FBXL3: variants seen among roughly 807,000 people sequenced by gnomAD.
FBXL3 encodes the protein F-box/LRR-repeat protein 3.
Under a neutral mutation model 37.9 loss-of-function variants are expected in FBXL3, and 14 were observed. The ratio of observed to expected loss-of-function variants is 0.37; its 90% CI spans 0.24 to 0.58. The LOEUF (loss-of-function observed/expected upper bound fraction) is 0.58. FBXL3 is among the 20% of genes least tolerant of loss of function. The pLI is 0.74. For synonymous variants in FBXL3, 194 were observed against 180.1 expected (o/e 1.08, Z -0.62); for missense variants, 327 against 511.1 (o/e 0.64, Z 3.47).
chr13:77,024,475 A>G (rs1318517768), intron 1 of FBXL3, among the ~76,000 whole-genome samples: 1 of 152,242 alleles, frequency 6.6e-6, no homozygotes, highest in African/African-American at 2.4e-5. Context: ...CCAGAACTAG[A>G]CAACTTAAAG....
chr13:77,026,811 G>GC lies in FBXL3; in HGVS notation c.-2+15dup. ...CGCCGTCGCAGCGGGGCTCGGCCCT[G>GC]CCCCTCCGCCGTTACCTGCTGCCGG... is the stretch of plus-strand genomic sequence containing the variant. On this transcript the variant is annotated intron_variant, in intron 1 of 4. Transcript: ENST00000355619. The GC allele has an allele frequency of 6.7e-6, 1 of 148,870 alleles. No individual in the cohort carries two copies. Among genetic ancestry groups the GC allele is most frequent in the East Asian group, 2.0e-4 (1 of 4,932 alleles). The allele number at this position is 148,870 out of a possible 1,614,324, so 9.2% of individuals were successfully genotyped here.
chr13:77,021,731 T>C lies in FBXL3; in HGVS notation c.130A>G (p.Ile44Val). ...GGCAAATATTTAAATACTTGGAGAA[T>C]AATGTCCTGAAGGAGATTACCCCAA... ...CDWGNLLQDI[I>V]LQVFKYLPLL... Residue 44 changes from isoleucine to valine, a missense_variant, in exon 2 of 5, where the codon ATT (isoleucine) becomes GTT (valine). Coordinates refer to ENST00000355619, the MANE Select transcript of FBXL3 (RefSeq NM_012158.4). 1 of 1,613,952 alleles carries C rather than the reference T, an allele frequency of 6.2e-7. No individual in the cohort carries two copies. Among genetic ancestry groups the C allele is most frequent in the Non-Finnish European group, 8.5e-7 (1 of 1,180,028 alleles).
chr13:77,021,465 A>G lies in FBXL3; in HGVS notation c.348+48T>C, dbSNP rs375999493. Reference sequence around the variant, plus strand: ...GAAGATGTACTGGTTTAGGAAACAAAGCCACTAAAAATACTTTATTTTTTA... The same window carrying G: ...GAAGATGTACTGGTTTAGGAAACAAGGCCACTAAAAATACTTTATTTTTTA... On this transcript the variant is annotated intron_variant, in intron 2 of 4. Transcript: ENST00000355619. 2.4e-3 allele frequency: 3,372 copies of G among 1,408,092 alleles called. 7 individuals carry two copies. Among genetic ancestry groups the G allele is most frequent in the Admixed American group, 3.6e-3 (172 of 47,228 alleles). 87.2% of individuals were successfully genotyped at this position (1,408,092 alleles called of 1,614,324 possible). A position where few individuals can be genotyped will look rare whatever the true frequency, so the allele number is the denominator to read the frequency against.
intron 4 of FBXL3, chr13:77,014,537 A>C (rs1357756553): frequency 6.6e-6 from 1 of 152,250 alleles, no homozygotes; most frequent in East Asian, 1.9e-4. Flanking sequence ...GGGAGAAAAG[A>C]GAATGAGCAA....
At chr13:77,021,301 C>T (rs1425067361) in intron 2 of FBXL3, among the ~76,000 whole-genome samples, 1 of 152,096 alleles carries the variant, frequency 6.6e-6, no homozygotes, top group Non-Finnish European at 1.5e-5. Flanking sequence ...GCTGCTTTTG[C>T]TGTTTTAAGA....
At position 77,006,967 on chromosome 13, in the gene FBXL3, G is replaced by A. The variant is rs1477846286; in HGVS notation, c.*178C>T. On this transcript the variant is annotated 3_prime_UTR_variant, in exon 5 of 5. Transcript: ENST00000355619. Reference sequence around the variant, plus strand: ...CTGCTATTACACTAAGGAAACAAGTGGAATTTTCTGACCAAAACTCATTCA... The same window carrying A: ...CTGCTATTACACTAAGGAAACAAGTAGAATTTTCTGACCAAAACTCATTCA... 3 of 1,407,572 alleles carry A rather than the reference G, an allele frequency of 2.1e-6. No individual in the cohort carries two copies. The highest frequency in any genetic ancestry group is 2.8e-6 in the Non-Finnish European group (3 of 1,085,820). 87.2% of individuals were successfully genotyped at this position (1,407,572 alleles called of 1,614,324 possible).
chr13:77,023,345 A>AGAGAGTGT (rs199568005), intron 1 of FBXL3, among the ~76,000 whole-genome samples: 4,428 of 147,538 alleles, frequency 0.03, 146 homozygotes, highest in East Asian at 0.13. Flanking sequence ...AGAGAGAGAG[A>AGAGAGTGT]GTGTGTGTGT....
At chr13:77,018,443 TA>T (rs960688771) in intron 3 of FBXL3, 156 bp downstream of exon 3, 19 of 467,082 alleles carry the variant, frequency 4.1e-5, no homozygotes, top group Admixed American at 2.3e-4. Context: ...AAAAAAAGCT[TA>T]AAAAAATACT....
chr13:77,022,516 T>G (rs2034763249), intron 1 of FBXL3, among the ~76,000 whole-genome samples: 1 of 152,330 alleles, frequency 6.6e-6, no homozygotes, highest in African/African-American at 2.4e-5. Flanking sequence ...TATGAGACTC[T>G]TAATGCCTGA....
At chr13:77,012,400 C>T (rs910701025) in intron 4 of FBXL3, among the ~76,000 whole-genome samples, 1 of 152,012 alleles carries the variant, frequency 6.6e-6, no homozygotes, top group African/African-American at 2.4e-5. Flanking sequence ...GAAATTAATA[C>T]AAGCAAACTG....
chr13:77,025,211 C>A (rs2034814974), intron 1 of FBXL3, among the ~76,000 whole-genome samples: 1 of 152,164 alleles, frequency 6.6e-6, no homozygotes, highest in South Asian at 2.1e-4. Flanking sequence ...ATGAGACATT[C>A]TAGACTCTAG....
In FBXL3 at chr13:77,007,206, T is replaced by G. The variant is rs1446244000; in HGVS notation, c.1226A>C (p.His409Pro). 1 of 1,613,886 alleles carries G rather than the reference T, an allele frequency of 6.2e-7. No individual in the cohort carries two copies. Among genetic ancestry groups the G allele is most frequent in the South Asian group, 1.1e-5 (1 of 91,080 alleles). Residue 409 changes from histidine to proline, a missense_variant, in exon 5 of 5, where the codon CAC becomes CCC. His to Pro is a moderately conservative substitution (Grantham distance 77, BLOSUM62 -2). Coordinates refer to ENST00000355619, the MANE Select transcript of FBXL3 (RefSeq NM_012158.4). ...ACCAAGATGCTTGGACACTTCCCAG[T>G]GAATCTGCTCCAAACTATACTTTTG... The part of the protein sequence containing the change: ...PDQKYSLEQI[H>P]WEVSKHLGRV...
Position 77,006,685 on chromosome 13 carries a change from A to G in FBXL3, c.*460T>C, listed in dbSNP as rs565616462. On this transcript the variant is annotated 3_prime_UTR_variant, in exon 5 of 5. Coordinates refer to ENST00000355619, the MANE Select transcript of FBXL3 (RefSeq NM_012158.4). The stretch of plus-strand genomic sequence containing the variant: ...CTTTTCCATTAGATATGATATATTC[A>G]TTTTTCTCACAAAATGCTCACTTTC... The G allele has an allele frequency of 1.3e-5, 5 of 396,338 alleles. No homozygotes were observed. In the East Asian group the frequency reaches 8.1e-4, roughly 64 times the overall value. The allele number at this position is 396,338 out of a possible 1,614,324, so 24.6% of individuals were successfully genotyped here.
chr13:77,021,102 C>T (rs432845), intron 2 of FBXL3, among the ~76,000 whole-genome samples: 36,957 of 152,174 alleles, frequency 0.24, 8,062 homozygotes, highest in African/African-American at 0.58. Flanking sequence ...TCCTTTTCAT[C>T]TGAAGATCCC....
chr13:77,017,297 T>C (rs376010281), intron 3 of FBXL3: 1 of 152,222 alleles, frequency 6.6e-6, no homozygotes, highest in African/African-American at 2.4e-5. Context: ...TAAATTATGT[T>C]CAACATATCC....
intron 1 of FBXL3, among the ~76,000 whole-genome samples, chr13:77,025,729 T>C (rs1010258219): frequency 6.9e-6 from 1 of 145,032 alleles, no homozygotes; most frequent in Non-Finnish European, 1.5e-5. Flanking sequence ...AAGAAGCAAC[T>C]TCATTAGGTG....
At chr13:77,021,321 T>C (rs759807335) in intron 2 of FBXL3, among the ~76,000 whole-genome samples, 192 bp downstream of exon 2, 1 of 152,138 alleles carries the variant, frequency 6.6e-6, no homozygotes, top group Non-Finnish European at 1.5e-5. Flanking sequence ...AAATTATTAA[T>C]AATTAATAGA....
chr13:77,023,585 A>T (rs993742036), intron 1 of FBXL3, among the ~76,000 whole-genome samples: 3 of 152,200 alleles, frequency 2.0e-5, no homozygotes, highest in Non-Finnish European at 4.4e-5. Flanking sequence ...AGCAGGCTCT[A>T]AACTAAATGG....
intron 1 of FBXL3, among the ~76,000 whole-genome samples, chr13:77,026,605 T>C (rs1295691849): frequency 6.6e-6 from 1 of 151,686 alleles, no homozygotes; most frequent in African/African-American, 2.4e-5. Context: ...CTTGTTGACA[T>C]GTTTGGAAGC....
Sources: allele counts gnomAD v4.1 joint callset (sites outside exome capture counted in the v4.1 genomes callset), GRCh38; gene constraint gnomAD v4.1.1; transcripts MANE v1.5; gene names NCBI Gene and HGNC (gene_info 2026-07-23, HGNC 2026-07-21).